CD180: variants seen among roughly 807,000 people sequenced by gnomAD.
CD180 encodes CD180 molecule.
CD180 carries 11 observed loss-of-function variants against 10.7 expected under a neutral mutation model. The ratio of observed to expected loss-of-function variants is 1.03; its 90% CI spans 0.65 to 1.70. The LOEUF (loss-of-function observed/expected upper bound fraction) is 1.70. CD180 is among the 40% of genes most tolerant of loss of function. CD180 has a pLI of 0.00. For synonymous variants in CD180, 286 were observed against 294.6 expected (o/e 0.97, Z 0.30); for missense variants, 729 against 775.2 (o/e 0.94, Z 0.71).
At chr5:67,190,883 G>T in intron 1 of CD180, 1 of 970,368 alleles carries the variant, frequency 1.0e-6, no homozygotes, top group Non-Finnish European at 1.2e-6. Flanking sequence ...TGCAAGTGTT[G>T]AAACATTTTC....
intron 2 of CD180, among the ~76,000 whole-genome samples, chr5:67,185,120 G>A (rs2151166059): frequency 7.4e-6 from 1 of 136,044 alleles, no homozygotes; most frequent in Non-Finnish European, 1.5e-5. Context: ...ACCATAAGTT[G>A]GATGATACTA....
intron 1 of CD180, among the ~76,000 whole-genome samples, chr5:67,193,069 C>T (rs1451013597): frequency 6.6e-6 from 1 of 152,190 alleles, no homozygotes; most frequent in Non-Finnish European, 1.5e-5. Context: ...AGGCCAAGTT[C>T]CTCATTTGTT....
rs1742084063 is a variant in CD180 at position 67,182,934 on chromosome 5, C to T, written c.1909G>A (p.Val637Ile). The T allele has an allele frequency of 3.1e-6, 5 of 1,613,802 alleles. No individual in the cohort carries two copies. The highest frequency in any genetic ancestry group is 3.4e-6 in the Non-Finnish European group (4 of 1,179,884). ...AGAATAGCCAACAATAATAGAAATA[C>T]TATGAGAAAGAAAATGCCTATGGCT... ...ITAIGIFFLI[V>I]FLLLLAILLF... The change falls in exon 3 of 3, where the codon GTA (valine) becomes ATA (isoleucine). Residue 637 changes from valine (V) to isoleucine (I), a missense_variant. By Grantham distance (29) the Val-to-Ile change is conservative (BLOSUM62 3). Transcript: ENST00000256447.
chr5:67,185,673 T>C (rs1187257394), intron 2 of CD180, among the ~76,000 whole-genome samples, 178 bp downstream of exon 2: 2 of 152,232 alleles, frequency 1.3e-5, no homozygotes, highest in Non-Finnish European at 2.9e-5. Flanking sequence ...TCTCCATTGG[T>C]TGATGTTTAT....
intron 1 of CD180, among the ~76,000 whole-genome samples, chr5:67,191,605 A>G (rs1178251008): frequency 6.6e-6 from 1 of 152,240 alleles, no homozygotes; most frequent in African/African-American, 2.4e-5. Flanking sequence ...TCAAGAGTGC[A>G]TCTAAAATGA....
chr5:67,192,531 C>T (rs1157123887), intron 1 of CD180, among the ~76,000 whole-genome samples: 4 of 152,138 alleles, frequency 2.6e-5, no homozygotes, highest in South Asian at 2.1e-4. Flanking sequence ...GGACTTGAGA[C>T]GCTTACAATC....
chr5:67,186,125 T>A (rs1022285710), intron 1 of CD180, 108 bp from the exon 2 acceptor site: 12 of 675,756 alleles, frequency 1.8e-5, no homozygotes, highest in Non-Finnish European at 2.8e-5. Context: ...CTTCTAGTAA[T>A]CTTTACCAAA....
In CD180 at chr5:67,180,261, T is replaced by C. The variant is rs1231029358; in HGVS notation, c.*2596A>G. 6.6e-6 allele frequency: 1 copy of C among 152,282 alleles called. No homozygotes were observed. Among genetic ancestry groups the C allele is most frequent in the African/African-American group, 2.4e-5 (1 of 41,480 alleles). The allele number at this position is 152,282 out of a possible 1,614,324, so 9.4% of individuals were successfully genotyped here. A position where few individuals can be genotyped will look rare whatever the true frequency, so the allele number is the denominator to read the frequency against. On this transcript the variant is annotated 3_prime_UTR_variant, in exon 3 of 3. Coordinates refer to ENST00000256447, the MANE Select transcript of CD180 (RefSeq NM_005582.3). ...GTGATGTAATTCACATCAGAGGTTT[T>C]CTACAGAATTGTTTCGTTTTTCCAA... is the stretch of plus-strand genomic sequence containing the variant.
intron 1 of CD180, among the ~76,000 whole-genome samples, chr5:67,187,063 A>G (rs1266333845): frequency 6.6e-6 from 1 of 152,232 alleles, no homozygotes; most frequent in Non-Finnish European, 1.5e-5. Context: ...TGAGGACAGT[A>G]TTCAATGATA....
At chr5:67,184,710 A>G in intron 2 of CD180, 125 bp from the exon 3 acceptor site, 1 of 749,184 alleles carries the variant, frequency 1.3e-6, no homozygotes. Context: ...ACTTTCTTCA[A>G]TATCAACAGA....
chr5:67,181,167 G>T lies in CD180; in HGVS notation c.*1690C>A, dbSNP rs182332066. 6.4e-4 allele frequency: 98 copies of T among 152,204 alleles called. No individual in the cohort carries two copies. The highest frequency in any genetic ancestry group is 2.3e-3 in the African/African-American group (94 of 41,516). 9.4% of individuals were successfully genotyped at this position (152,204 alleles called of 1,614,324 possible). Reference sequence around the variant, plus strand: ...TGTATTTGGGAGAGACAAGACAAGAGAAACTAATTAAAACAAATGAAGAAG... The same window carrying T: ...TGTATTTGGGAGAGACAAGACAAGATAAACTAATTAAAACAAATGAAGAAG... On this transcript the variant is annotated 3_prime_UTR_variant, in exon 3 of 3. Coordinates refer to ENST00000256447, the MANE Select transcript of CD180 (RefSeq NM_005582.3).
At chr5:67,189,562 A>G (rs5744495) in intron 1 of CD180, among the ~76,000 whole-genome samples, 5,912 of 152,290 alleles carry the variant, frequency 0.039, 234 homozygotes, top group African/African-American at 0.11. Context: ...AACACAGCTG[A>G]TAAGAGAATT....
chr5:67,196,302 G>A (rs5744465), intron 1 of CD180, among the ~76,000 whole-genome samples: 43 of 152,220 alleles, frequency 2.8e-4, no homozygotes, highest in African/African-American at 9.9e-4. Context: ...TGACCCACTT[G>A]GGATTATTTG....
Position 67,184,234 on chromosome 5 carries a change from G to A in CD180, c.609C>T (p.Ser203=). The change falls in exon 3 of 3, where the codon AGC becomes AGT. Residue 203 remains serine (S), a synonymous_variant. Transcript: ENST00000256447. The stretch of plus-strand genomic sequence containing the variant: ...TAACATTATTGCCATTGAAGTTCAG[G>A]CTTAGGTTGATGGCCTGCTCCAGAG... ...MRSLEQAINL[S]LNFNGNNVKG... 6.2e-7 allele frequency: 1 copy of A among 1,614,088 alleles called. No homozygotes were observed. Among genetic ancestry groups the A allele is most frequent in the Non-Finnish European group, 8.5e-7 (1 of 1,180,018 alleles).
At chr5:67,187,406 T>C (rs986398026) in intron 1 of CD180, among the ~76,000 whole-genome samples, 7 of 152,208 alleles carry the variant, frequency 4.6e-5, no homozygotes, top group Non-Finnish European at 7.3e-5. Flanking sequence ...TAGATCTCTG[T>C]ATTTGTAGGC....
rs1447055997 is a variant in CD180, at chr5:67,182,926, T to C, written c.1917A>G (p.Leu639=). The C allele has an allele frequency of 3.7e-6, 6 of 1,613,704 alleles. No individual in the cohort carries two copies. Among genetic ancestry groups the C allele is most frequent in the East Asian group, 2.2e-5 (1 of 44,886 alleles). ...AIGIFFLIVF[L]LLLAILLFFA... The stretch of plus-strand genomic sequence containing the variant: ...AAAATAGCAGAATAGCCAACAATAA[T>C]AGAAATACTATGAGAAAGAAAATGC... Residue 639 remains leucine (L), a synonymous_variant, in exon 3 of 3, where the codon CTA becomes CTG. Coordinates refer to ENST00000256447, the MANE Select transcript of CD180 (RefSeq NM_005582.3).
In CD180 at chr5:67,191,077, A is replaced by G. The variant is rs5744491; in HGVS notation, c.91-5060T>C. Reference sequence around the variant, plus strand: ...GCAAGTCGACTGAGCCAAATCCCAGAGCAACAATTAGTCTCTGAAAACAAA... The same window carrying G: ...GCAAGTCGACTGAGCCAAATCCCAGGGCAACAATTAGTCTCTGAAAACAAA... On this transcript the variant is annotated intron_variant, in intron 1 of 2. Transcript: ENST00000256447. The G allele has an allele frequency of 0.018, 18,148 of 985,292 alleles. 590 individuals are homozygous for G. In the East Asian group the frequency reaches 0.2, roughly 11 times the overall value. 61.0% of individuals were successfully genotyped at this position (985,292 alleles called of 1,614,324 possible). A position where few individuals can be genotyped will look rare whatever the true frequency, so the allele number is the denominator to read the frequency against.
chr5:67,185,259 T>G (rs1205508432), intron 2 of CD180, among the ~76,000 whole-genome samples: 1 of 136,438 alleles, frequency 7.3e-6, no homozygotes, highest in Non-Finnish European at 1.5e-5. Flanking sequence ...GGGTGCAGAC[T>G]GCAGGTACAC....
rs1742022251 is a variant in CD180 at position 67,180,529 on chromosome 5, T to A, written c.*2328A>T. The A allele has an allele frequency of 6.6e-6, 1 of 152,118 alleles. No homozygotes were observed. The highest frequency in any genetic ancestry group is 1.5e-5 in the Non-Finnish European group (1 of 68,030). 9.4% of individuals were successfully genotyped at this position (152,118 alleles called of 1,614,324 possible). On this transcript the variant is annotated 3_prime_UTR_variant, in exon 3 of 3. Transcript: ENST00000256447. ...ACCTCAGTCCAACAGAATCTCAGTA[T>A]CTGGGGGTGAGGCCTGGGAATCCAT...
Sources: gnomAD v4.1 joint callset for allele counts (sites outside exome capture counted in the v4.1 genomes callset) on GRCh38, gnomAD v4.1.1 for gene constraint, MANE v1.5 for transcripts, NCBI Gene and HGNC (gene_info 2026-07-23, HGNC 2026-07-21) for gene names.